The following JAKMIP3 variants were observed in gnomAD, a reference collection of about 807,000 sequenced individuals.
The protein encoded by JAKMIP3 is janus kinase and microtubule-interacting protein 3.
A neutral mutation model predicts 118.5 loss-of-function variants in JAKMIP3; 58 were observed. The observed-to-expected ratio is 0.49, with a 90% CI of 0.40 to 0.61. The LOEUF is 0.61. JAKMIP3 is among the 20% of genes least tolerant of loss of function. The pLI is 0.00. For synonymous variants in JAKMIP3, 486 were observed against 451.2 expected, an observed-to-expected ratio of 1.08 and a Z score of -0.98; for missense variants, 950 against 1,109.0, an observed-to-expected ratio of 0.86 and a Z score of 2.04.
At chr10:132,160,216 G>T (rs1220387365) in intron 19 of JAKMIP3, among the ~76,000 whole-genome samples, 2 of 19,728 alleles carry the variant, frequency 1.0e-4, no homozygotes, top group Admixed American at 4.7e-4. Context: ...TGCTGGGTGG[G>T]CCTCTCCCTG....
intron 23 of JAKMIP3, among the ~76,000 whole-genome samples, chr10:132,180,646 C>CGCGCGT (rs1554963054): frequency 3.6e-4 from 3 of 8,314 alleles, no homozygotes; most frequent in African/African-American, 1.8e-3. Context: ...TGCGTGTGTG[C>CGCGCGT]GTGTGCGTGT....
chr10:132,124,006 G>A (rs773595269), intron 3 of JAKMIP3, among the ~76,000 whole-genome samples: 5 of 152,338 alleles, frequency 3.3e-5, no homozygotes, highest in East Asian at 1.9e-4. Context: ...GCCCACAGCC[G>A]AACTAACCCA....
intron 1 of JAKMIP3, among the ~76,000 whole-genome samples, chr10:132,094,924 G>GGT (rs1431504608): frequency 6.6e-6 from 1 of 152,110 alleles, no homozygotes; most frequent in East Asian, 1.9e-4. Context: ...GGGGCATGGG[G>GGT]GTGAGATTCG....
At position 132,153,749 on chromosome 10, in the gene JAKMIP3, T is replaced by G; in HGVS notation, c.2074-10T>G. 1.2e-6 allele frequency: 2 copies of G among 1,612,884 alleles called. No individual in the cohort carries two copies. Among genetic ancestry groups the G allele is most frequent in the Middle Eastern group, 1.7e-4 (1 of 6,058 alleles). Reference sequence around the variant, plus strand: ...GGGGTCACTGTCCTGCTTGTTCTGTTTGTGTCCAGTGGCTCCAGCAGATTG... The same window carrying G: ...GGGGTCACTGTCCTGCTTGTTCTGTGTGTGTCCAGTGGCTCCAGCAGATTG... On this transcript the variant is annotated splice_polypyrimidine_tract_variant and intron_variant, in intron 17 of 23. Transcript: ENST00000684848.
At chr10:132,109,499 G>C (rs1225436376) in intron 2 of JAKMIP3, among the ~76,000 whole-genome samples, 1 of 152,074 alleles carries the variant, frequency 6.6e-6, no homozygotes, top group African/African-American at 2.4e-5. Context: ...GAGAGGTGTG[G>C]GTCCCCCTGC....
At chr10:132,151,296 C>T (rs773994867) in intron 16 of JAKMIP3, among the ~76,000 whole-genome samples, 4 of 152,182 alleles carry the variant, frequency 2.6e-5, no homozygotes, top group Admixed American at 6.5e-5. Context: ...ACATCCCCTC[C>T]CTCCATCCAT....
At position 132,149,503 on chromosome 10, in the gene JAKMIP3, G is replaced by C; in HGVS notation, c.1940G>C (p.Gly647Ala). The C allele has an allele frequency of 1.9e-6, 3 of 1,566,582 alleles. No individual in the cohort carries two copies. Among genetic ancestry groups the C allele is most frequent in the South Asian group, 2.3e-5 (2 of 86,790 alleles). The change falls in exon 15 of 24, where the codon GGT becomes GCT. Residue 647 changes from glycine (G) to alanine (A), a missense_variant. Coordinates refer to ENST00000684848, the MANE Select transcript of JAKMIP3 (RefSeq NM_001323087.2). ...CTCCAGGTGTACTGCGAGGCCGAAG[G>C]TGTGACGGTGAGTCCCGCCCCTCCT... Reference protein sequence around the residue: ...SPLQVYCEAEGVTDIVVAELM... With the variant: ...SPLQVYCEAEAVTDIVVAELM...
intron 23 of JAKMIP3, chr10:132,181,587 A>G (rs982957570): frequency 6.6e-6 from 1 of 152,270 alleles, no homozygotes; most frequent in Non-Finnish European, 1.5e-5. Context: ...AGAACAAGGT[A>G]CTATGTTAAC....
chr10:132,142,165 T>G, intron 11 of JAKMIP3, 117 bp downstream of exon 11: 4 of 1,049,182 alleles, frequency 3.8e-6, no homozygotes, highest in Non-Finnish European at 5.4e-6. Flanking sequence ...CCTCCTCTCC[T>G]GCCCTTGCCT....
chr10:132,165,458 T>C (rs2172131), intron 21 of JAKMIP3, among the ~76,000 whole-genome samples: 95,444 of 152,028 alleles, frequency 0.63, 30,738 homozygotes, highest in East Asian at 0.94. Flanking sequence ...GACCCCCAGC[T>C]CAGAGTGAGA....
At chr10:132,080,750 C>G (rs1179408599) in intron 1 of JAKMIP3, among the ~76,000 whole-genome samples, 1 of 151,788 alleles carries the variant, frequency 6.6e-6, no homozygotes, top group Admixed American at 6.6e-5. Context: ...GAACTCCCAA[C>G]CTCAAGCAGT....
At chr10:132,075,920 T>C (rs982238088) in intron 1 of JAKMIP3, among the ~76,000 whole-genome samples, 3 of 123,674 alleles carry the variant, frequency 2.4e-5, no homozygotes, top group Non-Finnish European at 5.1e-5. Flanking sequence ...GTTTTTGTAG[T>C]GTAGGTCTGT....
intron 2 of JAKMIP3, among the ~76,000 whole-genome samples, chr10:132,109,093 CATAT>C (rs199571463): frequency 3.6e-5 from 5 of 138,850 alleles, no homozygotes; most frequent in Admixed American, 2.1e-4. Flanking sequence ...TATACACACA[CATAT>C]ATATATACAC....
intron 21 of JAKMIP3, among the ~76,000 whole-genome samples, chr10:132,166,701 T>C (rs1486551305): frequency 6.6e-6 from 1 of 152,220 alleles, no homozygotes; most frequent in African/African-American, 2.4e-5. Flanking sequence ...GGCCTTGTGG[T>C]GCTGGGGACA....
At chr10:132,058,638 T>C (rs2133838971) in intron 1 of JAKMIP3, among the ~76,000 whole-genome samples, 1 of 152,260 alleles carries the variant, frequency 6.6e-6, no homozygotes, top group South Asian at 2.1e-4. Flanking sequence ...TCATGTGTCA[T>C]TCTGGTTACA....
intron 23 of JAKMIP3, among the ~76,000 whole-genome samples, chr10:132,174,902 C>A (rs2060009743): frequency 6.6e-6 from 1 of 152,118 alleles, no homozygotes; most frequent in Non-Finnish European, 1.5e-5. Context: ...CATCCTTATA[C>A]CTTCTTTGGT....
At chr10:132,145,054 G>C (rs752554424) in intron 11 of JAKMIP3, 53 bp from the exon 12 acceptor site, 6 of 1,488,652 alleles carry the variant, frequency 4.0e-6, no homozygotes, top group Non-Finnish European at 5.5e-6. Flanking sequence ...TGTGTGTGCT[G>C]TCTGTCCCAG....
chr10:132,153,833 T>C lies in JAKMIP3; in HGVS notation c.2142+6T>C. 4 of 1,613,008 alleles carry C rather than the reference T, an allele frequency of 2.5e-6. No homozygotes were observed. Among genetic ancestry groups the C allele is most frequent in the Non-Finnish European group, 3.4e-6 (4 of 1,179,730 alleles). On this transcript the variant is annotated splice_donor_region_variant and intron_variant, in intron 18 of 23. Transcript: ENST00000684848. ...TGGATCTGGAGAGCGAGAAGGTTGG[T>C]GGCACCTTCACCGAGGTTCTGCGGC... is the stretch of plus-strand genomic sequence containing the variant.
chr10:132,038,717 A>C (rs1000937182), intron 1 of JAKMIP3, among the ~76,000 whole-genome samples: 1 of 149,898 alleles, frequency 6.7e-6, no homozygotes, highest in African/African-American at 2.5e-5. Context: ...GCTTGAACCC[A>C]GGAGGCAAGA....
Sources: allele counts gnomAD v4.1 joint callset (sites outside exome capture counted in the v4.1 genomes callset), GRCh38; gene constraint gnomAD v4.1.1; transcripts MANE v1.5; gene names NCBI Gene and HGNC (gene_info 2026-07-23, HGNC 2026-07-21).